RBMS1: variants seen among roughly 807,000 people sequenced by gnomAD.
The protein encoded by RBMS1 is RNA binding motif single stranded interacting protein 1, also known as RNA-binding motif, single-stranded-interacting protein 1.
Under a neutral mutation model 62.3 loss-of-function variants are expected in RBMS1, and 17 were observed. That is an observed-to-expected ratio of 0.27 (90% CI 0.19 to 0.41). RBMS1 has a LOEUF of 0.41. RBMS1 is among the 10% of genes least tolerant of loss of function. The pLI is 1.00. For missense variants in RBMS1, 334 were observed against 504.5 expected, an observed-to-expected ratio of 0.66 and a Z score of 3.24; for synonymous variants, 172 against 170.0, an observed-to-expected ratio of 1.01 and a Z score of -0.09.
chr2:160,334,693 T>C (rs1196340995), intron 2 of RBMS1, among the ~76,000 whole-genome samples: 3 of 152,040 alleles, frequency 2.0e-5, no homozygotes, highest in Non-Finnish European at 2.9e-5. Flanking sequence ...CCAGGAGGAA[T>C]GTATGGAGCC....
chr2:160,311,713 C>T (rs1255423265), intron 4 of RBMS1, among the ~76,000 whole-genome samples: 3 of 147,812 alleles, frequency 2.0e-5, no homozygotes, highest in East Asian at 1.9e-4. Context: ...CTTGAAGAAG[C>T]CAGATAATAT....
At chr2:160,439,947 C>T (rs918337314) in intron 1 of RBMS1, among the ~76,000 whole-genome samples, 96 of 151,978 alleles carry the variant, frequency 6.3e-4, no homozygotes, top group African/African-American at 2.1e-3. Flanking sequence ...CGCAGGCACT[C>T]GGCAAGCTGA....
intron 1 of RBMS1, among the ~76,000 whole-genome samples, chr2:160,463,042 T>C (rs1684534788): frequency 6.6e-6 from 1 of 152,048 alleles, no homozygotes; most frequent in African/African-American, 2.4e-5. Context: ...GGAAATGGGC[T>C]CTTCCTGCAG....
rs1685957517 is a variant in RBMS1 at position 160,493,511 on chromosome 2, G to C, written c.-148C>G. 1 of 664,676 alleles carries C rather than the reference G, an allele frequency of 1.5e-6. No homozygotes were observed. Among genetic ancestry groups the C allele is most frequent in the East Asian group, 2.7e-5 (1 of 36,662 alleles). 41.2% of individuals were successfully genotyped at this position (664,676 alleles called of 1,614,324 possible). A position where few individuals can be genotyped will look rare whatever the true frequency, so the allele number is the denominator to read the frequency against. On this transcript the variant is annotated 5_prime_UTR_variant, in exon 1 of 14. Transcript: ENST00000348849. ...GCTGCCGCTGCTCCACCTCCCAGCC[G>C]GGACCAGACGTCCTCCTCCTCCTCC...
chr2:160,311,542 A>G (rs1177804881), intron 4 of RBMS1, among the ~76,000 whole-genome samples: 1 of 152,080 alleles, frequency 6.6e-6, no homozygotes, highest in Admixed American at 6.6e-5. Flanking sequence ...AATGCTTCTC[A>G]GGGAACAATT....
intron 1 of RBMS1, among the ~76,000 whole-genome samples, chr2:160,462,544 G>T (rs76837133): frequency 7.8e-4 from 119 of 152,258 alleles, no homozygotes; most frequent in African/African-American, 2.6e-3. Context: ...TGAACAAGAA[G>T]AATATTTGGC....
intron 2 of RBMS1, among the ~76,000 whole-genome samples, chr2:160,354,437 A>C (rs1183472205): frequency 6.6e-6 from 1 of 152,114 alleles, no homozygotes; most frequent in East Asian, 1.9e-4. Flanking sequence ...GCTATGCCTC[A>C]TATTAAGGGA....
intron 3 of RBMS1, among the ~76,000 whole-genome samples, chr2:160,317,445 A>G (rs903007037): frequency 6.6e-6 from 1 of 152,158 alleles, no homozygotes; most frequent in African/African-American, 2.4e-5. Flanking sequence ...TCACATGCCT[A>G]TTGTTAAGAT....
Position 160,284,977 on chromosome 2 carries a change from T to C in RBMS1, c.806+18A>G. The C allele has an allele frequency of 6.2e-7, 1 of 1,608,972 alleles. No individual in the cohort carries two copies. Among genetic ancestry groups the C allele is most frequent in the Non-Finnish European group, 8.5e-7 (1 of 1,175,252 alleles). On this transcript the variant is annotated intron_variant, in intron 8 of 13. Transcript: ENST00000348849. ...ACATTTTCCCTCAAGCCATTATGGA[T>C]TTATTTTAACGACATACCCGTTCTG...
chr2:160,284,498 G>T, intron 9 of RBMS1: 1 of 417,624 alleles, frequency 2.4e-6, no homozygotes. Flanking sequence ...TCCAAAAGCA[G>T]GGCCCCTTGG....
intron 2 of RBMS1, among the ~76,000 whole-genome samples, chr2:160,362,879 A>G (rs1693206848): frequency 6.6e-6 from 1 of 152,062 alleles, no homozygotes; most frequent in Non-Finnish European, 1.5e-5. Context: ...GTTGGAGGTT[A>G]TGTTAGCATT....
At chr2:160,315,415 T>C (rs904760767) in intron 3 of RBMS1, among the ~76,000 whole-genome samples, 2 of 152,198 alleles carry the variant, frequency 1.3e-5, no homozygotes, top group African/African-American at 4.8e-5. Context: ...CTAAATAACA[T>C]GGCATCCTCT....
chr2:160,451,341 AGT>A (rs773563315), intron 1 of RBMS1, among the ~76,000 whole-genome samples: 1 of 152,118 alleles, frequency 6.6e-6, no homozygotes, highest in Non-Finnish European at 1.5e-5. Flanking sequence ...AACCCTGATG[AGT>A]GTTCACCTTC....
chr2:160,332,054 T>G (rs1407166530), intron 2 of RBMS1, among the ~76,000 whole-genome samples: 1 of 152,162 alleles, frequency 6.6e-6, no homozygotes, highest in East Asian at 1.9e-4. Flanking sequence ...AGATGGTGGT[T>G]GTTGGAGTTT....
chr2:160,324,880 G>GTATATA (rs747823378), intron 2 of RBMS1, among the ~76,000 whole-genome samples: 3,366 of 74,676 alleles, frequency 0.045, 88 homozygotes, highest in Non-Finnish European at 0.068. Flanking sequence ...GTGTGTGTGT[G>GTATATA]TGTATATATA....
chr2:160,282,233 G>A (rs765956583), intron 9 of RBMS1: 1 of 1,366,754 alleles, frequency 7.3e-7, no homozygotes. Context: ...AAGAGTCATG[G>A]GGGAAGAATG....
intron 2 of RBMS1, among the ~76,000 whole-genome samples, chr2:160,355,975 C>T (rs527566977): frequency 3.3e-5 from 5 of 152,194 alleles, no homozygotes; most frequent in South Asian, 2.1e-4. Flanking sequence ...CACTTCTCCC[C>T]GAAGTGTCTT....
intron 2 of RBMS1, among the ~76,000 whole-genome samples, chr2:160,321,085 A>T (rs966573883): frequency 1.3e-5 from 2 of 152,048 alleles, no homozygotes; most frequent in African/African-American, 4.8e-5. Flanking sequence ...TTGGCCTTCG[A>T]CACTTCTAGT....
At chr2:160,376,048 A>G (rs1693980700) in intron 1 of RBMS1, among the ~76,000 whole-genome samples, 2 of 152,190 alleles carry the variant, frequency 1.3e-5, no homozygotes, top group Admixed American at 6.5e-5. Context: ...TGTTTTTTAA[A>G]GTCTATCTAC....
Sources: allele counts gnomAD v4.1 joint callset (sites outside exome capture counted in the v4.1 genomes callset), GRCh38; gene constraint gnomAD v4.1.1; transcripts MANE v1.5; gene names NCBI Gene and HGNC (gene_info 2026-07-23, HGNC 2026-07-21).